ENPP2: variants seen among roughly 807,000 people sequenced by gnomAD.
The protein encoded by ENPP2 is ectonucleotide pyrophosphatase/phosphodiesterase 2, also known as autotaxin.
In ENPP2, 51 loss-of-function variants were observed where a neutral mutation model predicts 120.2. The ratio of observed to expected loss-of-function variants is 0.42; its 90% CI spans 0.34 to 0.54. ENPP2 has a LOEUF of 0.54. ENPP2 is among the 20% of genes least tolerant of loss of function. The pLI is 0.04. For synonymous variants in ENPP2, 365 were observed against 366.4 expected, an observed-to-expected ratio of 1.00 and a Z score of 0.04; for missense variants, 920 against 1,066.5, an observed-to-expected ratio of 0.86 and a Z score of 1.91.
intron 1 of ENPP2, among the ~76,000 whole-genome samples, chr8:119,656,997 GGCTCA>G (rs1255208173): frequency 3.3e-5 from 5 of 151,968 alleles, no homozygotes; most frequent in Non-Finnish European, 7.4e-5. Context: ...GCACTATCTT[GGCTCA>G]GTGCAACCTC....
At chr8:119,592,796 A>G (rs71532466) in intron 12 of ENPP2, 61 of 154,002 alleles carry the variant, frequency 4.0e-4, no homozygotes, top group Non-Finnish European at 7.3e-4. Flanking sequence ...TATCTAGCCC[A>G]CTCAAGAGGA....
At chr8:119,561,796 T>C (rs1813957130) in intron 24 of ENPP2, among the ~76,000 whole-genome samples, 1 of 151,718 alleles carries the variant, frequency 6.6e-6, no homozygotes, top group Non-Finnish European at 1.5e-5. Flanking sequence ...TTTGTGTGTG[T>C]GTGTGTGTGT....
rs796494978 is a variant in ENPP2 at position 119,564,899 on chromosome 8, C to T, written c.2188G>A (p.Gly730Arg). 1 of 1,612,892 alleles carries T rather than the reference C, an allele frequency of 6.2e-7. No homozygotes were observed. Among genetic ancestry groups the T allele is most frequent in the African/African-American group, 1.3e-5 (1 of 74,840 alleles). Residue 730 changes from glycine (G) to arginine (R), a missense_variant, in exon 23 of 25, where the codon GGA (glycine) becomes AGA (arginine). Physicochemically the swap from Gly to Arg is moderately radical, Grantham distance 125. Transcript: ENST00000075322. ...LVKKYASERNGVNVISGPIFD... is the reference protein window; with the variant it reads ...LVKKYASERNRVNVISGPIFD... ...ATTGGTCCACTTATCACGTTAACTC[C>T]ATTTCTTTCCGAAGCATATTTCTTC...
At chr8:119,672,426 A>C (rs1818278181) in intron 1 of ENPP2, among the ~76,000 whole-genome samples, 1 of 152,128 alleles carries the variant, frequency 6.6e-6, no homozygotes, top group Non-Finnish European at 1.5e-5. Flanking sequence ...CACTTGTTAA[A>C]ATGAAACCAG....
intron 18 of ENPP2, 101 bp from the exon 19 acceptor site, chr8:119,580,268 G>T (rs1446655051): frequency 1.1e-6 from 1 of 889,314 alleles, no homozygotes; most frequent in Non-Finnish European, 1.9e-6. Context: ...AAATTCAAAA[G>T]CGAACTCTAA....
Position 119,569,388 on chromosome 8 carries a change from G to A in ENPP2, c.1918-18C>T, listed in dbSNP as rs548544111. On this transcript the variant is annotated intron_variant, in intron 20 of 24. Coordinates refer to ENST00000075322, the MANE Select transcript of ENPP2 (RefSeq NM_001040092.3). The stretch of plus-strand genomic sequence containing the variant: ...ACCTCAGCCTGCACGGGAGTCAGAG[G>A]CACTCAGCAATGCCGTGGCTCTGTT... 6.1e-5 allele frequency: 98 copies of A among 1,613,004 alleles called. No homozygotes were observed. Among genetic ancestry groups the A allele is most frequent in the African/African-American group, 1.5e-4 (11 of 74,868 alleles).
intron 19 of ENPP2, among the ~76,000 whole-genome samples, chr8:119,578,694 A>G (rs1043014120): frequency 7.9e-5 from 12 of 152,226 alleles, no homozygotes; most frequent in Non-Finnish European, 1.3e-4. Context: ...GGTGTCGAAC[A>G]TTGCAAATCA....
At chr8:119,581,683 T>C (rs926518985) in intron 18 of ENPP2, among the ~76,000 whole-genome samples, 1 of 151,932 alleles carries the variant, frequency 6.6e-6, no homozygotes, top group African/African-American at 2.4e-5. Flanking sequence ...TTGAATTCCA[T>C]CCACCCTGCT....
At chr8:119,605,426 A>ACATG (rs1554616349) in intron 9 of ENPP2, among the ~76,000 whole-genome samples, 1 of 138,404 alleles carries the variant, frequency 7.2e-6, no homozygotes, top group Non-Finnish European at 1.5e-5. Context: ...TGAAGATACC[A>ACATG]TATATGTGTG....
intron 8 of ENPP2, among the ~76,000 whole-genome samples, chr8:119,612,521 G>A (rs1815181123): frequency 6.6e-6 from 1 of 152,060 alleles, no homozygotes; most frequent in Non-Finnish European, 1.5e-5. Flanking sequence ...CACTAAAATG[G>A]CTTCTGTTCC....
intron 24 of ENPP2, among the ~76,000 whole-genome samples, chr8:119,558,839 C>T (rs149444745): frequency 0.024 from 3,707 of 152,174 alleles, 77 homozygotes; most frequent in Admixed American, 0.033. Context: ...CAGACATGCC[C>T]TCATCCAACT....
At chr8:119,573,359 G>T (rs986133198) in intron 19 of ENPP2, among the ~76,000 whole-genome samples, 3 of 146,338 alleles carry the variant, frequency 2.1e-5, no homozygotes, top group Admixed American at 1.4e-4. Flanking sequence ...GTTAGCCAAG[G>T]TCATGCCACT....
rs116326897 is a variant in ENPP2 at position 119,651,692 on chromosome 8, G to A, written c.22-13165C>T. 9.7e-3 allele frequency among the ~76,000 whole-genome samples: 1,470 copies of A among 152,242 alleles called. 24 individuals carry two copies. Among genetic ancestry groups the A allele is most frequent in the African/African-American group, 0.034 (1,395 of 41,536 alleles). On this transcript the variant is annotated intron_variant, in intron 1 of 25. Coordinates refer to the ENPP2 transcript ENST00000427067. ...TAATAGGAGCCACAGATTAACCTTTGTTGTAAGCTGACCTTCTTGTGACCC... is the reference window on the plus strand; with the variant it reads ...TAATAGGAGCCACAGATTAACCTTTATTGTAAGCTGACCTTCTTGTGACCC...
intron 22 of ENPP2, among the ~76,000 whole-genome samples, chr8:119,566,552 A>C (rs1814463275): frequency 6.6e-6 from 1 of 152,200 alleles, no homozygotes; most frequent in Non-Finnish European, 1.5e-5. Flanking sequence ...CATTAAGAAA[A>C]AATGGAGAGG....
chr8:119,657,524 G>A (rs1321495030), intron 1 of ENPP2, among the ~76,000 whole-genome samples: 3 of 152,174 alleles, frequency 2.0e-5, no homozygotes, highest in Non-Finnish European at 4.4e-5. Context: ...CTAATTTCCA[G>A]TTCTTCTCAT....
At chr8:119,611,367 C>T (rs754459827) in intron 8 of ENPP2, among the ~76,000 whole-genome samples, 9 of 152,174 alleles carry the variant, frequency 5.9e-5, no homozygotes, top group Non-Finnish European at 1.0e-4. Context: ...GGAGCACTTG[C>T]TTCAGCAGAT....
chr8:119,572,519 A>G (rs1330516039), intron 19 of ENPP2: 1 of 402,986 alleles, frequency 2.5e-6, no homozygotes, highest in Non-Finnish European at 4.5e-6. Flanking sequence ...TCAACGTAAC[A>G]CTCTATTCCA....
At chr8:119,585,236 GAAGA>G (rs2130356770) in intron 15 of ENPP2, among the ~76,000 whole-genome samples, 1 of 152,244 alleles carries the variant, frequency 6.6e-6, no homozygotes, top group African/African-American at 2.4e-5. Flanking sequence ...AACTGTTTTA[GAAGA>G]CTCCAATAAT....
intron 1 of ENPP2, among the ~76,000 whole-genome samples, chr8:119,658,327 G>C (rs968297055): frequency 6.6e-6 from 1 of 152,212 alleles, no homozygotes; most frequent in Non-Finnish European, 1.5e-5. Context: ...CTGGAGTGCA[G>C]TGGTGCAATC....
Sources: allele counts gnomAD v4.1 joint callset (sites outside exome capture counted in the v4.1 genomes callset), GRCh38; gene constraint gnomAD v4.1.1; transcripts MANE v1.5; gene names NCBI Gene and HGNC (gene_info 2026-07-23, HGNC 2026-07-21).